Variants in LEKR1 observed in about 807,000 individuals in gnomAD.
LEKR1 encodes leucine, glutamate and lysine rich 1, also known as protein LEKR1.
A neutral mutation model predicts 72.4 loss-of-function variants in LEKR1; 59 were observed. The ratio of observed to expected loss-of-function variants is 0.82; its 90% CI spans 0.66 to 1.01. The LOEUF (loss-of-function observed/expected upper bound fraction) is 1.01. Among genes scored for constraint, LEKR1 ranks in the 50% least tolerant of loss-of-function variants. The probability of loss-of-function intolerance (pLI) is 0.00; values close to 1 mark genes in which losing one functional copy is unlikely to be tolerated. For synonymous variants in LEKR1, 257 were observed against 263.2 expected (o/e 0.98, Z 0.23); for missense variants, 728 against 759.2 (o/e 0.96, Z 0.48).
chr3:156,938,455 C>T (rs1725916333), intron 5 of LEKR1, among the ~76,000 whole-genome samples: 1 of 152,174 alleles, frequency 6.6e-6, no homozygotes, highest in Non-Finnish European at 1.5e-5. Flanking sequence ...TAACTCACTG[C>T]AACCTCTGCC....
chr3:156,860,510 A>C (rs1458035190), intron 3 of LEKR1, among the ~76,000 whole-genome samples: 1 of 152,218 alleles, frequency 6.6e-6, no homozygotes, highest in Non-Finnish European at 1.5e-5. Context: ...TACCTAAGGT[A>C]GGTACCAAAG....
At chr3:157,025,689 T>C (rs11720579) in intron 11 of LEKR1, among the ~76,000 whole-genome samples, 88,215 of 151,996 alleles carry the variant, frequency 0.58, 27,465 homozygotes, top group South Asian at 0.81. Flanking sequence ...TCAGAAAGGC[T>C]TCATGCTTTG....
chr3:156,975,958 G>T (rs1576931386), intron 6 of LEKR1, among the ~76,000 whole-genome samples: 1 of 152,150 alleles, frequency 6.6e-6, no homozygotes, highest in East Asian at 1.9e-4. Context: ...TATAGAGAAG[G>T]ACTGGGCAGA....
chr3:156,970,206 T>G (rs1441523920), intron 6 of LEKR1, among the ~76,000 whole-genome samples: 1 of 152,210 alleles, frequency 6.6e-6, no homozygotes, highest in African/African-American at 2.4e-5. Context: ...CTTTGAAAAC[T>G]GGCACAAGAC....
At chr3:156,967,026 G>A (rs1233735579) in intron 6 of LEKR1, among the ~76,000 whole-genome samples, 1 of 152,228 alleles carries the variant, frequency 6.6e-6, no homozygotes, top group African/African-American at 2.4e-5. Flanking sequence ...AGGGTCTGGA[G>A]TGGACCTCCA....
intron 6 of LEKR1, among the ~76,000 whole-genome samples, chr3:156,974,698 T>G (rs1473674237): frequency 2.6e-5 from 4 of 151,926 alleles, no homozygotes; most frequent in Non-Finnish European, 4.4e-5. Flanking sequence ...CCTTGACCCG[T>G]GCCAGCAACG....
intron 3 of LEKR1, among the ~76,000 whole-genome samples, chr3:156,898,665 A>G (rs965901084): frequency 1.3e-5 from 2 of 151,560 alleles, no homozygotes; most frequent in Non-Finnish European, 2.9e-5. Flanking sequence ...GCATTACAGG[A>G]AAAAAAAACC....
At chr3:156,856,240 T>C (rs1716045680) in intron 3 of LEKR1, among the ~76,000 whole-genome samples, 1 of 152,186 alleles carries the variant, frequency 6.6e-6, no homozygotes, top group African/African-American at 2.4e-5. Flanking sequence ...CTCTCTCCCT[T>C]GACTTGAAAT....
At chr3:156,866,658 G>T (rs759265527) in intron 3 of LEKR1, among the ~76,000 whole-genome samples, 8 of 151,902 alleles carry the variant, frequency 5.3e-5, no homozygotes, top group Non-Finnish European at 1.0e-4. Context: ...TAACTTATTT[G>T]GTACCTATTG....
intron 9 of LEKR1, among the ~76,000 whole-genome samples, chr3:156,998,938 G>C (rs1254951640): frequency 6.6e-6 from 1 of 152,000 alleles, no homozygotes; most frequent in Admixed American, 6.6e-5. Context: ...TAATCCCCAC[G>C]TGTCATGGGA....
chr3:157,006,720 ATAAT>A (rs1372737979), intron 9 of LEKR1, among the ~76,000 whole-genome samples: 8 of 152,244 alleles, frequency 5.3e-5, no homozygotes, highest in African/African-American at 1.7e-4. Context: ...TGAATCTAAA[ATAAT>A]TATGCTGAGT....
At chr3:156,874,319 C>T (rs1233804993) in intron 3 of LEKR1, among the ~76,000 whole-genome samples, 2 of 151,770 alleles carry the variant, frequency 1.3e-5, no homozygotes, top group African/African-American at 4.8e-5. Context: ...AAAAGGATAT[C>T]TATTTTCATT....
intron 12 of LEKR1, among the ~76,000 whole-genome samples, chr3:157,036,912 G>A (rs995883641): frequency 6.6e-6 from 1 of 152,110 alleles, no homozygotes; most frequent in Non-Finnish European, 1.5e-5. Context: ...AGAAAATGAA[G>A]CAGAAAAATT....
intron 6 of LEKR1, among the ~76,000 whole-genome samples, chr3:156,960,881 C>T (rs1484617757): frequency 4.6e-5 from 7 of 152,084 alleles, no homozygotes; most frequent in Non-Finnish European, 4.4e-5. Flanking sequence ...TACCTAAGTT[C>T]TGTAATTTTA....
At chr3:157,000,850 A>T (rs754321745) in intron 9 of LEKR1, among the ~76,000 whole-genome samples, 2 of 152,200 alleles carry the variant, frequency 1.3e-5, no homozygotes, top group African/African-American at 4.8e-5. Context: ...CCAGGTGTCA[A>T]GGGAGAGAAT....
chr3:157,038,874 A>G (rs1735151641), intron 12 of LEKR1, among the ~76,000 whole-genome samples: 1 of 152,212 alleles, frequency 6.6e-6, no homozygotes, highest in South Asian at 2.1e-4. Flanking sequence ...ATGAAATAGA[A>G]TAAAGACTGT....
intron 2 of LEKR1, among the ~76,000 whole-genome samples, chr3:156,845,551 G>T (rs1576649268): frequency 6.6e-6 from 1 of 151,070 alleles, no homozygotes; most frequent in Non-Finnish European, 1.5e-5. Flanking sequence ...AAAAAAAAAT[G>T]TATGGATATC....
At chr3:157,034,414 A>C (rs1461395394) in intron 12 of LEKR1, among the ~76,000 whole-genome samples, 1 of 152,202 alleles carries the variant, frequency 6.6e-6, no homozygotes, top group African/African-American at 2.4e-5. Context: ...TCCAGCTCTC[A>C]TGGATGACTT....
chr3:157,041,372 C>T (rs1403469105), intron 12 of LEKR1, among the ~76,000 whole-genome samples: 3 of 152,146 alleles, frequency 2.0e-5, no homozygotes, highest in Non-Finnish European at 1.5e-5. Flanking sequence ...GCAAAGGGAT[C>T]TTCCTTTCAT....
Sources: allele counts gnomAD v4.1 joint callset (sites outside exome capture counted in the v4.1 genomes callset), GRCh38; gene constraint gnomAD v4.1.1; transcripts MANE v1.5; gene names NCBI Gene and HGNC (gene_info 2026-07-23, HGNC 2026-07-21).